Variants in PPEF1 observed in about 807,000 individuals in gnomAD.
PPEF1 encodes the protein serine/threonine-protein phosphatase with EF-hands 1.
In PPEF1, 12 loss-of-function variants were observed where a neutral mutation model predicts 53.3. That is an observed-to-expected ratio of 0.23 (90% confidence interval 0.14 to 0.36). PPEF1 has a LOEUF of 0.36. PPEF1 is among the 10% of genes least tolerant of loss of function. PPEF1 has a pLI of 1.00. For missense variants in PPEF1, 334 were observed against 490.4 expected, an observed-to-expected ratio of 0.68 and a Z score of 3.01; for synonymous variants, 165 against 176.7, an observed-to-expected ratio of 0.93 and a Z score of 0.52.
At chrX:18,704,342 T>C (rs1223128491), upstream of PPEF1, among the ~76,000 whole-genome samples, 3 of 111,608 alleles carry the variant, frequency 2.7e-5, no homozygotes, top group Non-Finnish European at 5.6e-5. Context: ...GATATGGGGA[T>C]TCCTTGCATC....
At chrX:18,764,869 T>A (rs2058610997) in intron 6 of PPEF1, among the ~76,000 whole-genome samples, 1 of 111,805 alleles carries the variant, frequency 8.9e-6, no homozygotes, top group Admixed American at 9.5e-5. Flanking sequence ...GAAAGTGCGA[T>A]AAGGGATAGG....
At chrX:18,797,794 C>T (rs1282728587) in intron 10 of PPEF1, among the ~76,000 whole-genome samples, 2 of 111,456 alleles carry the variant, frequency 1.8e-5, no homozygotes, top group South Asian at 3.8e-4. Flanking sequence ...CTCCGCCTCC[C>T]GGGCTCACAC....
chrX:18,723,118 G>C (rs1190164630), intron 1 of PPEF1, among the ~76,000 whole-genome samples: 1 of 110,374 alleles, frequency 9.1e-6, no homozygotes, highest in Non-Finnish European at 1.9e-5. Flanking sequence ...CCAAGTAGCT[G>C]GGATTACAGG....
intron 3 of PPEF1, among the ~76,000 whole-genome samples, chrX:18,687,149 C>T (rs1240201177): frequency 9.0e-6 from 1 of 111,222 alleles, no homozygotes; most frequent in Non-Finnish European, 1.9e-5. Context: ...TTTCTGGAAG[C>T]CTCAGCCCAT....
At chrX:18,736,129 C>T (rs1264716190) in intron 3 of PPEF1, among the ~76,000 whole-genome samples, 5 of 111,178 alleles carry the variant, frequency 4.5e-5, no homozygotes, top group Non-Finnish European at 9.4e-5. Context: ...TTTCTTTCTC[C>T]TGCCTGATTG....
intron 10 of PPEF1, among the ~76,000 whole-genome samples, chrX:18,795,674 A>AG (rs1422283180): frequency 8.9e-6 from 1 of 111,850 alleles, no homozygotes; most frequent in Non-Finnish European, 1.9e-5. Context: ...CTTTCTTGTC[A>AG]GTTTTTACCC....
Position 18,827,493 on chromosome X carries a change from A to C in PPEF1, c.*6A>C. On this transcript the variant is annotated 3_prime_UTR_variant, in exon 16 of 16. Transcript: ENST00000470157. ...ATGTCACCAACCTTGGCTAAACACA[A>C]ATGAGAGCTTCCCTCAGGCTCCCTG... 1 of 1,193,015 alleles carries C rather than the reference A, an allele frequency of 8.4e-7. No individual in the cohort carries two copies. Among genetic ancestry groups the C allele is most frequent in the Non-Finnish European group, 1.1e-6 (1 of 879,698 alleles).
chrX:18,685,855 T>C lies in PPEF1; in HGVS notation c.-519-283T>C, dbSNP rs548916422. On this transcript the variant is annotated intron_variant, in intron 2 of 21. Coordinates refer to the PPEF1 transcript ENST00000361511. ...AGCCTGGATACAAATTTATTCTTAA[T>C]GGACCTCTCCTGGACGTGTTTACAA... Among the ~76,000 whole-genome samples, 6 of 111,779 alleles carry C rather than the reference T, an allele frequency of 5.4e-5. No homozygotes were observed. The South Asian group carries it at 2.3e-3, about 42-fold the overall frequency.
chrX:18,807,658 T>C (rs758348994), intron 12 of PPEF1, among the ~76,000 whole-genome samples: 8 of 111,932 alleles, frequency 7.1e-5, no homozygotes, highest in Admixed American at 2.8e-4. Flanking sequence ...CGATAAACAA[T>C]GTACATACTT....
Position 18,784,606 on chromosome X carries a change from C to T in PPEF1, c.912+558C>T, listed in dbSNP as rs370866309. Among the ~76,000 whole-genome samples, 14 of 110,541 alleles carry T rather than the reference C, an allele frequency of 1.3e-4. No individual in the cohort carries two copies. In the South Asian group the frequency reaches 5.4e-3, roughly 43 times the overall value. On this transcript the variant is annotated intron_variant, in intron 9 of 15. Coordinates refer to ENST00000470157, the MANE Select transcript of PPEF1 (RefSeq NM_001377996.1). ...CAACCACCATTCTACCTTCTGTCTACGAATTTCACCACTCTAGGTACCTTA... is the reference window on the plus strand; with the variant it reads ...CAACCACCATTCTACCTTCTGTCTATGAATTTCACCACTCTAGGTACCTTA...
chrX:18,806,456 A>G lies in PPEF1; in HGVS notation c.1305A>G (p.Gly435=). ...SNYYEEGSNR[G]AYIKLCSGTT... ...ATTATGAAGAAGGCAGCAATCGAGGAGCTTACATCAAACTATGTTCTGGTA... is the reference window on the plus strand; with the variant it reads ...ATTATGAAGAAGGCAGCAATCGAGGGGCTTACATCAAACTATGTTCTGGTA... The change falls in exon 12 of 16, where the codon GGA becomes GGG. Residue 435 remains glycine (G), a synonymous_variant. Coordinates refer to ENST00000470157, the MANE Select transcript of PPEF1 (RefSeq NM_001377996.1). 8.3e-7 allele frequency: 1 copy of G among 1,207,048 alleles called. No individual in the cohort carries two copies. The highest frequency in any genetic ancestry group is 1.8e-5 in the South Asian group (1 of 56,751).
chrX:18,736,689 G>A (rs2044989751), intron 3 of PPEF1, among the ~76,000 whole-genome samples: 1 of 111,246 alleles, frequency 9.0e-6, no homozygotes, highest in East Asian at 2.8e-4. Flanking sequence ...GATTGGAATA[G>A]TTTCAGAAGG....
intron 1 of PPEF1, among the ~76,000 whole-genome samples, chrX:18,676,352 C>T (rs892610175): frequency 9.1e-6 from 1 of 110,228 alleles, no homozygotes; most frequent in Non-Finnish European, 1.9e-5. Flanking sequence ...TAATCCCCCC[C>T]ACACACACAC....
intron 3 of PPEF1, among the ~76,000 whole-genome samples, chrX:18,747,250 G>C (rs1261039107): frequency 9.0e-6 from 1 of 111,031 alleles, no homozygotes; most frequent in African/African-American, 3.3e-5. Flanking sequence ...ATGTTTAATT[G>C]TGTTACAGAG....
At chrX:18,696,157 T>A (rs1339543582) in intron 4 of PPEF1, among the ~76,000 whole-genome samples, 1 of 109,465 alleles carries the variant, frequency 9.1e-6, no homozygotes, top group Non-Finnish European at 1.9e-5. Context: ...GTCCTTCGAT[T>A]TTTTTTTTCT....
At position 18,686,803 on chromosome X, in the gene PPEF1, T is replaced by C. The variant is rs1314075876; in HGVS notation, c.-426+572T>C. On this transcript the variant is annotated intron_variant, in intron 3 of 21. Transcript: ENST00000361511. ...AGCCAGGCACCAAGCTGCTTTATAGTTGTATTGGTTAGAGAATGTGTTTGG... is the reference window on the plus strand; with the variant it reads ...AGCCAGGCACCAAGCTGCTTTATAGCTGTATTGGTTAGAGAATGTGTTTGG... Among the ~76,000 whole-genome samples the C allele has an allele frequency of 2.7e-5, 3 of 111,223 alleles. No individual in the cohort carries two copies. The Admixed American group carries it at 2.9e-4, about 11-fold the overall frequency.
chrX:18,776,836 C>T (rs776075495), intron 6 of PPEF1, among the ~76,000 whole-genome samples: 8 of 111,914 alleles, frequency 7.1e-5, no homozygotes, highest in Non-Finnish European at 1.5e-4. Flanking sequence ...AGGAGGATCA[C>T]TTGAACCTGG....
chrX:18,790,117 A>G (rs745321815), intron 10 of PPEF1, among the ~76,000 whole-genome samples: 1 of 111,980 alleles, frequency 8.9e-6, no homozygotes, highest in Non-Finnish European at 1.9e-5. Flanking sequence ...GTTATTGTCT[A>G]TCATTTTGAT....
chrX:18,789,036 T>C, intron 9 of PPEF1, 85 bp from the exon 10 acceptor site: 1 of 1,096,513 alleles, frequency 9.1e-7, no homozygotes, highest in Non-Finnish European at 1.2e-6. Context: ...CACCACAACA[T>C]AGAAAGAATC....
Sources: gnomAD v4.1 joint callset for allele counts (sites outside exome capture counted in the v4.1 genomes callset) on GRCh38, gnomAD v4.1.1 for gene constraint, MANE v1.5 for transcripts, NCBI Gene and HGNC (gene_info 2026-07-23, HGNC 2026-07-21) for gene names.